The following DLG2 variants were observed in gnomAD, a reference collection of about 807,000 sequenced individuals.
The protein encoded by DLG2 is discs large MAGUK scaffold protein 2.
In DLG2, 45 loss-of-function variants were observed where a neutral mutation model predicts 132.5. The observed-to-expected ratio is 0.34, with a 90% CI of 0.27 to 0.44. The LOEUF (loss-of-function observed/expected upper bound fraction) is 0.44, where lower values mean the gene tolerates loss of function less well. Ranked by LOEUF, DLG2 falls within the 20% of genes least tolerant of loss-of-function variation. The probability of loss-of-function intolerance (pLI) is 1.00; values close to 1 mark genes in which losing one functional copy is unlikely to be tolerated. For missense variants in DLG2, 1,045 were observed against 1,196.9 expected, an observed-to-expected ratio of 0.87 and a Z score of 1.87; for synonymous variants, 424 against 419.6, an observed-to-expected ratio of 1.01 and a Z score of -0.13.
At chr11:84,101,073 T>C (rs1048497622) in intron 9 of DLG2, among the ~76,000 whole-genome samples, 1 of 152,142 alleles carries the variant, frequency 6.6e-6, no homozygotes, top group African/African-American at 2.4e-5. Flanking sequence ...TGAATTTATT[T>C]AATATTTATT....
At chr11:85,008,683 A>G (rs1001496704) in intron 6 of DLG2, among the ~76,000 whole-genome samples, 2 of 152,032 alleles carry the variant, frequency 1.3e-5, no homozygotes, top group African/African-American at 4.8e-5. Context: ...CAATGCATAA[A>G]TATTTATTAA....
At chr11:84,133,221 T>C (rs2094481575) in intron 9 of DLG2, among the ~76,000 whole-genome samples, 1 of 152,040 alleles carries the variant, frequency 6.6e-6, no homozygotes, top group Admixed American at 6.6e-5. Context: ...ATTTAAAATG[T>C]AAAAAGCAAA....
intron 15 of DLG2, among the ~76,000 whole-genome samples, chr11:83,891,638 G>A (rs2069893529): frequency 6.6e-6 from 1 of 152,140 alleles, no homozygotes; most frequent in Non-Finnish European, 1.5e-5. Flanking sequence ...TTCTGTTCTA[G>A]CATTTTCAGG....
chr11:85,083,518 G>T lies in DLG2; in HGVS notation c.357+28143C>A, dbSNP rs189833559. On this transcript the variant is annotated intron_variant, in intron 6 of 27. Coordinates refer to ENST00000376104, the MANE Select transcript of DLG2 (RefSeq NM_001142699.3). ...GAGAACATGTGCCCAAGGTGGTCAG[G>T]CTCCAGCTTGGTTTTATATGTTTTA... 9.1e-4 allele frequency among the ~76,000 whole-genome samples: 139 copies of T among 152,214 alleles called. No individual in the cohort carries two copies. In the East Asian group the frequency reaches 0.017, roughly 19 times the overall value.
Position 84,889,863 on chromosome 11 carries a change from G to A in DLG2, c.357+221798C>T, listed in dbSNP as rs144146485. 1.2e-3 allele frequency among the ~76,000 whole-genome samples: 188 copies of A among 152,178 alleles called. 1 individual carries two copies. Among genetic ancestry groups the A allele is most frequent in the African/African-American group, 4.2e-3 (173 of 41,546 alleles). On this transcript the variant is annotated intron_variant, in intron 6 of 27. Coordinates refer to ENST00000376104, the MANE Select transcript of DLG2 (RefSeq NM_001142699.3). ...AGACCTAGAGACCTACAAAAGTCTC[G>A]AGTTTGCCAAGACACATGGCAGATG...
intron 3 of DLG2, among the ~76,000 whole-genome samples, chr11:85,438,964 T>C (rs2091635098): frequency 6.6e-6 from 1 of 152,226 alleles, no homozygotes; most frequent in Admixed American, 6.5e-5. Flanking sequence ...TGTTTTGGCT[T>C]TTTCTACGCA....
In DLG2 at chr11:84,668,399, G is replaced by A. The variant is rs976137736; in HGVS notation, c.358-133668C>T. Reference sequence around the variant, plus strand: ...GTCAAATGTTCTCTGCATTCCAAATGTATCTTTGAATTATCAAATAGAAGG... The same window carrying A: ...GTCAAATGTTCTCTGCATTCCAAATATATCTTTGAATTATCAAATAGAAGG... On this transcript the variant is annotated intron_variant, in intron 6 of 27. Transcript: ENST00000376104. 3.9e-5 allele frequency among the ~76,000 whole-genome samples: 6 copies of A among 152,118 alleles called. No individual in the cohort carries two copies. In the East Asian group the frequency reaches 1.2e-3, roughly 29 times the overall value.
chr11:85,050,118 TCA>T (rs33991615), intron 6 of DLG2, among the ~76,000 whole-genome samples: 3,258 of 136,728 alleles, frequency 0.024, 44 homozygotes, highest in Non-Finnish European at 0.029. Flanking sequence ...CACTGTGTCA[TCA>T]CACACACACA....
rs762530650 is a variant in DLG2 at position 85,285,232 on chromosome 11, T to C, written c.174A>G (p.Gln58=). Residue 58 remains glutamine (Q), a synonymous_variant, in exon 4 of 28, where the codon CAA becomes CAG. Transcript: ENST00000376104. The stretch of plus-strand genomic sequence containing the variant: ...TTCAGTAGTATACCTCTGAAGATTT[T>C]TGAAGTCTGTCATGGCACGGAGCAA... The part of the protein sequence containing the change: ...SLLAPCHDRL[Q]KSSELTDCSG... 8 of 1,611,282 alleles carry C rather than the reference T, an allele frequency of 5.0e-6. No individual in the cohort carries two copies. Among genetic ancestry groups the C allele is most frequent in the African/African-American group, 2.7e-5 (2 of 74,766 alleles).
At chr11:84,654,205 T>G (rs1275646715) in intron 6 of DLG2, among the ~76,000 whole-genome samples, 1 of 152,138 alleles carries the variant, frequency 6.6e-6, no homozygotes, top group Non-Finnish European at 1.5e-5. Context: ...ATATCCTCCT[T>G]GAAGTGAAGA....
At chr11:83,987,632 C>T (rs931421458) in intron 11 of DLG2, among the ~76,000 whole-genome samples, 1 of 152,010 alleles carries the variant, frequency 6.6e-6, no homozygotes, top group African/African-American at 2.4e-5. Flanking sequence ...GCTGGGAAAA[C>T]TGGCTAGCCA....
intron 19 of DLG2, among the ~76,000 whole-genome samples, chr11:83,589,914 AG>A (rs2097157730): frequency 6.8e-6 from 1 of 146,552 alleles, no homozygotes. Context: ...ATAATAGTAA[AG>A]GGATCAATTC....
At chr11:85,482,610 G>A (rs2093324729) in intron 3 of DLG2, among the ~76,000 whole-genome samples, 1 of 152,146 alleles carries the variant, frequency 6.6e-6, no homozygotes, top group Non-Finnish European at 1.5e-5. Flanking sequence ...GGCAATACCA[G>A]CAGGCACAGG....
chr11:85,142,304 AT>A (rs1183050165), intron 5 of DLG2, among the ~76,000 whole-genome samples: 2 of 151,552 alleles, frequency 1.3e-5, no homozygotes, highest in African/African-American at 4.8e-5. Flanking sequence ...TAGGCATATT[AT>A]TTTATTTGTA....
At chr11:84,647,316 T>C (rs188255640) in intron 6 of DLG2, among the ~76,000 whole-genome samples, 7 of 152,260 alleles carry the variant, frequency 4.6e-5, no homozygotes, top group Non-Finnish European at 4.4e-5. Context: ...ATGCCTTCTC[T>C]AGACCTATCG....
chr11:83,963,217 G>A lies in DLG2; in HGVS notation c.1202-194C>T, dbSNP rs79320635. Among the ~76,000 whole-genome samples, 21 of 152,072 alleles carry A rather than the reference G, an allele frequency of 1.4e-4. 1 individual carries two copies. The East Asian group carries it at 4.1e-3, about 29-fold the overall frequency. The stretch of plus-strand genomic sequence containing the variant: ...AAGCACATGGTGACCTTTAGGATAG[G>A]AAAGACTTAATAATAGTTAAGTCTG... On this transcript the variant is annotated intron_variant, in intron 13 of 27. Transcript: ENST00000376104.
chr11:85,401,070 A>G (rs1443978922), intron 3 of DLG2, among the ~76,000 whole-genome samples: 2 of 152,220 alleles, frequency 1.3e-5, no homozygotes, highest in East Asian at 1.9e-4. Flanking sequence ...CCTGATGAAC[A>G]TTGATGTGAA....
intron 21 of DLG2, among the ~76,000 whole-genome samples, chr11:83,493,037 C>G (rs2093947365): frequency 1.3e-5 from 2 of 152,146 alleles, no homozygotes; most frequent in Admixed American, 1.3e-4. Flanking sequence ...TAATCCAGCT[C>G]TAGCTACCAC....
chr11:84,115,892 A>AT (rs1402825287), intron 9 of DLG2, among the ~76,000 whole-genome samples: 4 of 152,194 alleles, frequency 2.6e-5, no homozygotes, highest in Non-Finnish European at 4.4e-5. Context: ...CCTTTCTGTC[A>AT]TTTTCACCAC....
Sources: allele counts gnomAD v4.1 joint callset (sites outside exome capture counted in the v4.1 genomes callset), GRCh38; gene constraint gnomAD v4.1.1; transcripts MANE v1.5; gene names NCBI Gene and HGNC (gene_info 2026-07-23, HGNC 2026-07-21).